The following HIPK2 variants were observed in gnomAD, a reference collection of about 807,000 sequenced individuals.
The protein encoded by HIPK2 is homeodomain interacting protein kinase 2.
HIPK2 carries 27 observed loss-of-function variants against 113.7 expected under a neutral mutation model. The observed-to-expected ratio is 0.24, with a 90% confidence interval of 0.17 to 0.33. The LOEUF (loss-of-function observed/expected upper bound fraction) is 0.33, where lower values mean the gene tolerates loss of function less well. Ranked by LOEUF, HIPK2 falls within the 10% of genes least tolerant of loss-of-function variation. The probability of loss-of-function intolerance (pLI) is 1.00; values close to 1 mark genes in which losing one functional copy is unlikely to be tolerated. For missense variants in HIPK2, 1,257 were observed against 1,588.0 expected (o/e 0.79, Z 3.54); for synonymous variants, 631 against 642.2 (o/e 0.98, Z 0.26).
chr7:139,760,146 G>A (rs1422563178), intron 1 of HIPK2, among the ~76,000 whole-genome samples: 1 of 152,010 alleles, frequency 6.6e-6, no homozygotes, highest in East Asian at 1.9e-4. Flanking sequence ...GGGACTACAG[G>A]CACCCGCCAC....
chr7:139,749,029 T>A (rs1384974973), intron 1 of HIPK2, among the ~76,000 whole-genome samples: 1 of 152,246 alleles, frequency 6.6e-6, no homozygotes, highest in Non-Finnish European at 1.5e-5. Flanking sequence ...AACAAAAACC[T>A]GACCTTGAAT....
chr7:139,749,831 A>G (rs1432282490), intron 1 of HIPK2, among the ~76,000 whole-genome samples: 2 of 152,200 alleles, frequency 1.3e-5, no homozygotes, highest in African/African-American at 4.8e-5. Context: ...CTGTCCTGGC[A>G]CTGTCCACTC....
chr7:139,699,029 G>A (rs1176466333), intron 2 of HIPK2, among the ~76,000 whole-genome samples: 4 of 152,002 alleles, frequency 2.6e-5, no homozygotes, highest in Non-Finnish European at 4.4e-5. Flanking sequence ...TAATAAAAAC[G>A]ACGACCCACG....
chr7:139,574,874 C>T (rs978073294), intron 14 of HIPK2, among the ~76,000 whole-genome samples: 1 of 152,258 alleles, frequency 6.6e-6, no homozygotes, highest in Admixed American at 6.5e-5. Flanking sequence ...CACCATGTCA[C>T]TAAGGGCTTT....
intron 12 of HIPK2, among the ~76,000 whole-genome samples, chr7:139,595,616 T>G (rs1227085085): frequency 6.6e-6 from 1 of 152,078 alleles, no homozygotes; most frequent in East Asian, 1.9e-4. Flanking sequence ...AAGAGGACAC[T>G]TGAATGAGAC....
chr7:139,721,390 G>C (rs1192292406), intron 1 of HIPK2, among the ~76,000 whole-genome samples: 2 of 152,070 alleles, frequency 1.3e-5, no homozygotes, highest in African/African-American at 2.4e-5. Context: ...TATTTCTCTG[G>C]AACAAACCTT....
chr7:139,649,273 A>G (rs892646022), intron 2 of HIPK2, among the ~76,000 whole-genome samples: 20 of 152,056 alleles, frequency 1.3e-4, no homozygotes, highest in African/African-American at 4.8e-4. Flanking sequence ...GGGCGGGCCG[A>G]TGCAGCACCC....
At chr7:139,598,690 A>T (rs1799308701) in intron 11 of HIPK2, among the ~76,000 whole-genome samples, 1 of 152,204 alleles carries the variant, frequency 6.6e-6, no homozygotes, top group South Asian at 2.1e-4. Context: ...GTGGTGAGTA[A>T]ACAAAAAGGA....
chr7:139,635,820 T>TA lies in HIPK2; in HGVS notation c.1104-4096dup, dbSNP rs367654213. 4.8e-3 allele frequency among the ~76,000 whole-genome samples: 732 copies of TA among 152,314 alleles called. 4 individuals are homozygous for TA. Among genetic ancestry groups the TA allele is most frequent in the African/African-American group, 0.017 (687 of 41,562 alleles). ...AGCCGACACAGCACACCACATGCTCTAGCGGCTCCCACGTTAGAAAACAAA... is the reference window on the plus strand; with the variant it reads ...AGCCGACACAGCACACCACATGCTCTAAGCGGCTCCCACGTTAGAAAACAAA... On this transcript the variant is annotated intron_variant, in intron 2 of 14. Transcript: ENST00000406875.
intron 2 of HIPK2, among the ~76,000 whole-genome samples, chr7:139,668,077 G>A (rs1005401606): frequency 1.6e-4 from 23 of 140,496 alleles, no homozygotes; most frequent in African/African-American, 6.1e-4. Context: ...AGCAAGCCGA[G>A]ATCAAACCAT....
At chr7:139,712,597 A>G (rs1294564819) in intron 2 of HIPK2, among the ~76,000 whole-genome samples, 2 of 152,242 alleles carry the variant, frequency 1.3e-5, no homozygotes. Flanking sequence ...GGCGGCTCAA[A>G]CACACAGCCA....
rs147573240 is a variant in HIPK2 at position 139,586,669 on chromosome 7, C to T, written c.2718-2605G>A. Among the ~76,000 whole-genome samples, 4 of 151,700 alleles carry T rather than the reference C, an allele frequency of 2.6e-5. No homozygotes were observed. In the East Asian group the frequency reaches 7.7e-4, roughly 29 times the overall value. On this transcript the variant is annotated intron_variant, in intron 12 of 14. Coordinates refer to ENST00000406875, the MANE Select transcript of HIPK2 (RefSeq NM_022740.5). ...CCTGTAGTCCCAGCTGTTTGGGAGG[C>T]TGAGGTGGGAGCCCAGGAGTTTGAG... is the stretch of plus-strand genomic sequence containing the variant.
chr7:139,670,892 C>T (rs927285043), intron 2 of HIPK2, among the ~76,000 whole-genome samples: 4 of 150,378 alleles, frequency 2.7e-5, no homozygotes, highest in African/African-American at 4.9e-5. Context: ...ACCCTAGTGG[C>T]GGGGATTACA....
intron 2 of HIPK2, among the ~76,000 whole-genome samples, chr7:139,691,335 C>T (rs761984574): frequency 5.3e-5 from 8 of 152,268 alleles, no homozygotes; most frequent in East Asian, 3.9e-4. Flanking sequence ...CTGACGAGCC[C>T]GTCCCCATTA....
chr7:139,637,894 A>C (rs1001844660), intron 2 of HIPK2, among the ~76,000 whole-genome samples: 5 of 152,158 alleles, frequency 3.3e-5, no homozygotes, highest in African/African-American at 1.2e-4. Flanking sequence ...GAGGGGCACG[A>C]GCAACCCGGC....
At chr7:139,678,236 T>C (rs553449634) in intron 2 of HIPK2, among the ~76,000 whole-genome samples, 84 of 152,364 alleles carry the variant, frequency 5.5e-4, no homozygotes, top group African/African-American at 1.9e-3. Flanking sequence ...TAGATCCCAT[T>C]TGTCAATTTT....
chr7:139,622,974 C>T (rs112769850), intron 6 of HIPK2, among the ~76,000 whole-genome samples: 1 of 152,172 alleles, frequency 6.6e-6, no homozygotes, highest in Non-Finnish European at 1.5e-5. Flanking sequence ...GTCATTAAAG[C>T]CCCAGGCTTT....
At chr7:139,743,748 C>T (rs776119317) in intron 1 of HIPK2, among the ~76,000 whole-genome samples, 1 of 152,150 alleles carries the variant, frequency 6.6e-6, no homozygotes, top group Non-Finnish European at 1.5e-5. Context: ...CTGAACAAGA[C>T]ATAAGGGGAT....
At chr7:139,625,197 C>T (rs926409242) in intron 6 of HIPK2, among the ~76,000 whole-genome samples, 1 of 152,136 alleles carries the variant, frequency 6.6e-6, no homozygotes, top group Non-Finnish European at 1.5e-5. Context: ...CCCCAGTCAC[C>T]CCTCTATTTC....
Sources: gnomAD v4.1 joint callset for allele counts (sites outside exome capture counted in the v4.1 genomes callset) on GRCh38, gnomAD v4.1.1 for gene constraint, MANE v1.5 for transcripts, NCBI Gene and HGNC (gene_info 2026-07-23, HGNC 2026-07-21) for gene names.